AAK1: variants seen among roughly 807,000 people sequenced by gnomAD.
The protein encoded by AAK1 is AP2-associated protein kinase 1.
Under a neutral mutation model 116.0 loss-of-function variants are expected in AAK1, and 37 were observed. The observed-to-expected ratio is 0.32, with a 90% CI of 0.25 to 0.42. The LOEUF (loss-of-function observed/expected upper bound fraction) is 0.42. AAK1 is among the 10% of genes least tolerant of loss of function. The pLI, the probability that AAK1 is intolerant of heterozygous loss-of-function variation, is 1.00. For missense variants in AAK1, 919 were observed against 1,170.6 expected (o/e 0.79, Z 3.14); for synonymous variants, 458 against 439.9 (o/e 1.04, Z -0.51).
chr2:69,558,640 T>G (rs1305443231), intron 2 of AAK1, among the ~76,000 whole-genome samples: 3 of 152,194 alleles, frequency 2.0e-5, no homozygotes, highest in African/African-American at 7.2e-5. Context: ...AAAAAATCAG[T>G]ATGCCATTCT....
intron 16 of AAK1, among the ~76,000 whole-genome samples, chr2:69,504,701 C>T (rs988071558): frequency 3.4e-5 from 5 of 148,124 alleles, no homozygotes; most frequent in Admixed American, 6.7e-5. Context: ...CAGGAGGCGG[C>T]GGTTGCAGTG....
chr2:69,607,046 CAAAAA>C (rs61156108), intron 2 of AAK1, among the ~76,000 whole-genome samples: 6,682 of 68,750 alleles, frequency 0.097, 353 homozygotes, highest in South Asian at 0.26. Context: ...AGTCTTGCCT[CAAAAA>C]AAAAAAAAAA....
chr2:69,546,967 T>C (rs1670951960), intron 3 of AAK1, among the ~76,000 whole-genome samples: 1 of 152,214 alleles, frequency 6.6e-6, no homozygotes, highest in Non-Finnish European at 1.5e-5. Flanking sequence ...TGATTTATAT[T>C]ATGGCACAAG....
At chr2:69,588,209 T>C (rs145041703) in intron 2 of AAK1, among the ~76,000 whole-genome samples, 2 of 152,326 alleles carry the variant, frequency 1.3e-5, no homozygotes, top group Middle Eastern at 3.4e-3. Flanking sequence ...GTGAAGATTA[T>C]GTGAGACAGC....
At chr2:69,530,260 A>C (rs1670197577) in intron 7 of AAK1, 120 bp from the exon 8 acceptor site, 1 of 1,049,246 alleles carries the variant, frequency 9.5e-7, no homozygotes, top group South Asian at 1.9e-5. Context: ...TAGACTATTA[A>C]TGTATTAGAA....
chr2:69,473,798 C>A lies in AAK1; in HGVS notation c.*2071G>T. The A allele has an allele frequency of 2.0e-6, 2 of 984,446 alleles. No homozygotes were observed. Among genetic ancestry groups the A allele is most frequent in the Non-Finnish European group, 2.4e-6 (2 of 828,866 alleles). The allele number at this position is 984,446 out of a possible 1,614,324, so 61.0% of individuals were successfully genotyped here. On this transcript the variant is annotated 3_prime_UTR_variant, in exon 22 of 22. Transcript: ENST00000409085. ...TATTCTTATTTAAAAATAAACATTT[C>A]CTTCATTAATTTATACATTCTTTCT...
intron 2 of AAK1, among the ~76,000 whole-genome samples, chr2:69,633,599 C>CAA (rs3075922): frequency 9.6e-5 from 11 of 114,258 alleles, no homozygotes; most frequent in African/African-American, 8.9e-5. Flanking sequence ...GACGCTGTCT[C>CAA]AAAAAAAAAA....
intron 2 of AAK1, among the ~76,000 whole-genome samples, chr2:69,589,309 C>T (rs900329753): frequency 2.0e-5 from 3 of 151,468 alleles, no homozygotes; most frequent in Non-Finnish European, 2.9e-5. Flanking sequence ...AGCCGGGTAG[C>T]GGTCAAGCAA....
intron 2 of AAK1, among the ~76,000 whole-genome samples, chr2:69,566,365 C>G (rs1287343101): frequency 2.6e-5 from 4 of 151,966 alleles, no homozygotes. Flanking sequence ...TCCTCACTTG[C>G]CTCAATTAAA....
chr2:69,484,779 G>C (rs1675224276), intron 17 of AAK1, among the ~76,000 whole-genome samples: 1 of 151,964 alleles, frequency 6.6e-6, no homozygotes, highest in Non-Finnish European at 1.5e-5. Context: ...GGAGGCTGAG[G>C]CAAGAGAATT....
intron 2 of AAK1, among the ~76,000 whole-genome samples, chr2:69,635,565 T>C (rs184879660): frequency 6.6e-6 from 1 of 152,344 alleles, no homozygotes; most frequent in East Asian, 1.9e-4. Context: ...TGATGAATGA[T>C]ACATGTGGCA....
chr2:69,509,558 A>G, intron 13 of AAK1, 98 bp from the exon 14 acceptor site: 1 of 1,007,234 alleles, frequency 9.9e-7, no homozygotes, highest in Non-Finnish European at 1.4e-6. Flanking sequence ...AAAAAATGCC[A>G]CATAAGCACT....
At chr2:69,537,834 T>C (rs532060885) in intron 5 of AAK1, among the ~76,000 whole-genome samples, 1 of 152,206 alleles carries the variant, frequency 6.6e-6, no homozygotes, top group African/African-American at 2.4e-5. Flanking sequence ...GAGTGTAAGA[T>C]CTGGGGAGTC....
Position 69,603,740 on chromosome 2 carries a change from A to AATCATC in AAK1, c.163+39132_163+39137dup, listed in dbSNP as rs144591529. Among the ~76,000 whole-genome samples, 1,110 of 151,850 alleles carry AATCATC rather than the reference A, an allele frequency of 7.3e-3. 13 individuals are homozygous for AATCATC. The highest frequency in any genetic ancestry group is 0.024 in the African/African-American group (983 of 41,304). ...TTAAGGAGATACTGTGCAGAATTAAAATCATCATCATCATCATCATCATCA... is the reference window on the plus strand; with the variant it reads ...TTAAGGAGATACTGTGCAGAATTAAAATCATCATCATCATCATCATCATCATCATCA... On this transcript the variant is annotated intron_variant, in intron 2 of 21. Transcript: ENST00000409085.
At chr2:69,572,620 TAAA>T (rs768419313) in intron 2 of AAK1, among the ~76,000 whole-genome samples, 19 of 106,862 alleles carry the variant, frequency 1.8e-4, no homozygotes, top group Admixed American at 3.1e-4. Flanking sequence ...ACTCTGTCTT[TAAA>T]AAAAAAAAAA....
rs187292316 is a variant in AAK1 at position 69,587,352 on chromosome 2, T to C, written c.164-30374A>G. On this transcript the variant is annotated intron_variant, in intron 2 of 21. Transcript: ENST00000409085. The stretch of plus-strand genomic sequence containing the variant: ...ACACATATGCGTGCACACACACATA[T>C]ATACACATATGCGTGTACACACACA... Among the ~76,000 whole-genome samples the C allele has an allele frequency of 3.5e-5, 5 of 141,586 alleles. No individual in the cohort carries two copies. In the East Asian group the frequency reaches 1.1e-3, roughly 31 times the overall value. 92.9% of individuals were successfully genotyped at this position (141,586 alleles called of 152,430 possible).
intron 1 of AAK1, 44 bp downstream of exon 1, chr2:69,643,531 G>C (rs1372390237): frequency 6.5e-6 from 8 of 1,226,668 alleles, no homozygotes; most frequent in Non-Finnish European, 7.1e-6. Flanking sequence ...GCTCCTCCCG[G>C]GTCTCCCCGC....
intron 2 of AAK1, among the ~76,000 whole-genome samples, chr2:69,587,477 A>ATATATT (rs1553418808): frequency 6.9e-6 from 1 of 145,612 alleles, no homozygotes; most frequent in African/African-American, 2.7e-5. Context: ...ATATATATAT[A>ATATATT]TTTTTTTGAT....
intron 13 of AAK1, 89 bp downstream of exon 13, chr2:69,514,382 C>G: frequency 6.9e-7 from 1 of 1,443,026 alleles, no homozygotes; most frequent in Non-Finnish European, 9.1e-7. Context: ...GGACCCTCAT[C>G]AGCTGCTGCC....
Sources: allele counts gnomAD v4.1 joint callset (sites outside exome capture counted in the v4.1 genomes callset), GRCh38; gene constraint gnomAD v4.1.1; transcripts MANE v1.5; gene names NCBI Gene and HGNC (gene_info 2026-07-23, HGNC 2026-07-21).